Variants in BRD8 observed in about 807,000 individuals in gnomAD.
BRD8 encodes bromodomain-containing protein 8.
A neutral mutation model predicts 143.1 loss-of-function variants in BRD8; 67 were observed. That is an observed-to-expected ratio of 0.47 (90% CI 0.38 to 0.57). The LOEUF is 0.57. BRD8 is among the 20% of genes least tolerant of loss of function. BRD8 has a pLI of 0.00. For missense variants in BRD8, 1,103 were observed against 1,503.0 expected (o/e 0.73, Z 4.40); for synonymous variants, 505 against 517.1 (o/e 0.98, Z 0.32).
rs199966417 is a variant in BRD8, at chr5:138,145,291, C to T, written c.3369-46G>A. 4.4e-6 allele frequency: 7 copies of T among 1,575,506 alleles called. No individual in the cohort carries two copies. In the East Asian group the frequency reaches 6.7e-5, roughly 15 times the overall value. On this transcript the variant is annotated intron_variant, in intron 24 of 26. Transcript: ENST00000254900. ...AGAGGATAAAGAAACCCTGGCAAGG[C>T]ACTCTGAAGGAGAAGAGTAGCTCAG...
At chr5:138,155,796 G>C (rs1280147255) in intron 20 of BRD8, among the ~76,000 whole-genome samples, 1 of 152,014 alleles carries the variant, frequency 6.6e-6, no homozygotes, top group African/African-American at 2.4e-5. Context: ...CAAAGTGCTG[G>C]GATTACAAGT....
At position 138,144,018 on chromosome 5, in the gene BRD8, C is replaced by T. The variant is rs562443666; in HGVS notation, c.3437+1159G>A. On this transcript the variant is annotated intron_variant, in intron 25 of 26. Transcript: ENST00000254900. ...CTTGCTGCTCCTCACTCTTTGGGTC[C>T]GCACTACCTTTATGAACTGTAACAC... 5.3e-5 allele frequency among the ~76,000 whole-genome samples: 8 copies of T among 152,324 alleles called. No homozygotes were observed. The East Asian group carries it at 7.7e-4, about 15-fold the overall frequency.
In BRD8 at chr5:138,150,740, C is replaced by CT; in HGVS notation, c.3120+4dup. ...CAAGACAGCTGATTTAAGTTACTTT[C>CT]TTACCTCTTCACTCTCTGTGAGTAG... On this transcript the variant is annotated splice_donor_region_variant and intron_variant, in intron 22 of 26. Transcript: ENST00000254900. The CT allele has an allele frequency of 6.2e-7, 1 of 1,601,204 alleles. No individual in the cohort carries two copies. Among genetic ancestry groups the CT allele is most frequent in the South Asian group, 1.1e-5 (1 of 88,614 alleles).
At position 138,163,528 on chromosome 5, in the gene BRD8, C is replaced by G. The variant is rs932369076; in HGVS notation, c.1873-184G>C. 16 of 1,456,064 alleles carry G rather than the reference C, an allele frequency of 1.1e-5. No individual in the cohort carries two copies. In the Middle Eastern group the frequency reaches 8.8e-4, roughly 80 times the overall value. The allele number at this position is 1,456,064 out of a possible 1,614,324, so 90.2% of individuals were successfully genotyped here. On this transcript the variant is annotated intron_variant, in intron 14 of 26. Coordinates refer to ENST00000254900, the MANE Select transcript of BRD8 (RefSeq NM_139199.2). The stretch of plus-strand genomic sequence containing the variant: ...GACACTGCGTTAAGTAATTTAGAAC[C>G]TGGACAAAGAATAATACCCAGGATC...
intron 2 of BRD8, among the ~76,000 whole-genome samples, chr5:138,173,542 T>TAC (rs147012738): frequency 0.011 from 1,664 of 150,936 alleles, 19 homozygotes; most frequent in African/African-American, 0.033. Context: ...GTGATGTGTA[T>TAC]ACACACACAC....
intron 2 of BRD8, among the ~76,000 whole-genome samples, chr5:138,173,921 C>G (rs1561621698): frequency 1.3e-5 from 2 of 152,156 alleles, no homozygotes; most frequent in South Asian, 4.1e-4. Context: ...CAAGCAACCT[C>G]CTGCCTTGGC....
At position 138,165,020 on chromosome 5, in the gene BRD8, T is replaced by A; in HGVS notation, c.1425A>T (p.Ala475=). The A allele has an allele frequency of 6.2e-7, 1 of 1,614,184 alleles. No homozygotes were observed. The highest frequency in any genetic ancestry group is 8.5e-7 in the Non-Finnish European group (1 of 1,180,030). ...TCTCTTGCTTGACCGTCATTTCTGG[T>A]GCAGGGAGAGGTACTGGCTTGTCCC... ...QERDKPVPLP[A]PEMTVKQERL... The change falls in exon 12 of 27, where the codon GCA becomes GCT. Residue 475 remains alanine (A), a synonymous_variant. Transcript: ENST00000254900.
chr5:138,149,146 G>A (rs1752280365), intron 23 of BRD8, among the ~76,000 whole-genome samples: 1 of 151,002 alleles, frequency 6.6e-6, no homozygotes, highest in African/African-American at 2.4e-5. Context: ...AGGCTGGAGT[G>A]ATACAGACTT....
chr5:138,152,022 T>C (rs1398250486), intron 21 of BRD8, among the ~76,000 whole-genome samples: 1 of 151,716 alleles, frequency 6.6e-6, no homozygotes, highest in Non-Finnish European at 1.5e-5. Flanking sequence ...GCCCGGCTAA[T>C]TTTTTGTATT....
At chr5:138,156,942 A>G in intron 20 of BRD8, 1 of 1,240,590 alleles carries the variant, frequency 8.1e-7, no homozygotes, top group Non-Finnish European at 1.0e-6. Flanking sequence ...TGTTTTTTTT[A>G]AAAAGTCTGT....
chr5:138,171,017 G>C, intron 5 of BRD8, 21 bp downstream of exon 5: 3 of 1,610,326 alleles, frequency 1.9e-6, no homozygotes, highest in Non-Finnish European at 2.5e-6. Flanking sequence ...TCAATTTTTT[G>C]GCATTCTCTC....
chr5:138,146,241 A>G (rs1752144853), intron 23 of BRD8, among the ~76,000 whole-genome samples: 1 of 151,602 alleles, frequency 6.6e-6, no homozygotes, highest in African/African-American at 2.4e-5. Context: ...TATTTTCCAT[A>G]GAGACGGGGT....
chr5:138,177,691 A>AG (rs2151227767), intron 1 of BRD8, 24 bp from the exon 2 acceptor site: 2 of 1,484,394 alleles, frequency 1.3e-6, no homozygotes, highest in African/African-American at 1.4e-5. Flanking sequence ...AAAAAAAAAA[A>AG]AGCCTTGGAA....
intron 23 of BRD8, 52 bp downstream of exon 23, chr5:138,149,588 G>A: frequency 1.4e-6 from 2 of 1,429,596 alleles, no homozygotes; most frequent in Non-Finnish European, 1.9e-6. Context: ...ATTCAAATAG[G>A]CATAAACAGA....
At position 138,166,120 on chromosome 5, in the gene BRD8, A is replaced by T; in HGVS notation, c.998-12T>A. 6.2e-7 allele frequency: 1 copy of T among 1,602,746 alleles called. No homozygotes were observed. Among genetic ancestry groups the T allele is most frequent in the Non-Finnish European group, 8.5e-7 (1 of 1,174,794 alleles). ...GTCGGGTTGACTCACTGAGTAACAG[A>T]AAGAGAAAAGCATCTCAGAAGCTTA... is the stretch of plus-strand genomic sequence containing the variant. On this transcript the variant is annotated splice_polypyrimidine_tract_variant and intron_variant, in intron 10 of 26. Transcript: ENST00000254900.
At chr5:138,148,646 G>T (rs185811410) in intron 23 of BRD8, among the ~76,000 whole-genome samples, 96 of 152,152 alleles carry the variant, frequency 6.3e-4, no homozygotes, top group African/African-American at 2.2e-3. Flanking sequence ...TGAGATTACA[G>T]GTGTGAGCCA....
chr5:138,169,351 T>C lies in BRD8; in HGVS notation c.513A>G (p.Gln171=). 6.2e-7 allele frequency: 1 copy of C among 1,613,696 alleles called. No individual in the cohort carries two copies. The highest frequency in any genetic ancestry group is 8.5e-7 in the Non-Finnish European group (1 of 1,179,848). Residue 171 remains glutamine (Q), a synonymous_variant, in exon 8 of 27, where the codon CAA becomes CAG. Transcript: ENST00000254900. ...ACCTCCGGGGGGGTGTTTTTACTGCTTGACGAGCTAGAACATAAAAGAGAA... is the reference window on the plus strand; with the variant it reads ...ACCTCCGGGGGGGTGTTTTTACTGCCTGACGAGCTAGAACATAAAAGAGAA... ...KATDAAYQAR[Q]AVKTPPRRLP... is the part of the protein sequence containing the mutation.
rs759418635 is a variant in BRD8, at chr5:138,166,638, G to C, written c.877C>G (p.Pro293Ala). 1.2e-6 allele frequency: 2 copies of C among 1,613,778 alleles called. No homozygotes were observed. The highest frequency in any genetic ancestry group is 1.7e-6 in the Non-Finnish European group (2 of 1,179,688). The change falls in exon 10 of 27, where the codon CCA becomes GCA. Residue 293 changes from proline (P) to alanine (A), a missense_variant. By Grantham distance (27) the Pro-to-Ala change is conservative (BLOSUM62 -1). This residue lies in a region of BRD8 where 334 missense variants were observed against 372.5 expected (regional missense o/e 0.90). Coordinates refer to ENST00000254900, the MANE Select transcript of BRD8 (RefSeq NM_139199.2). ...ASFTTVASEP[P>A]VKLVPPPVES... ...ACAGGGGGTGGCACAAGTTTAACTG[G>C]AGGCTCACTGGCAACAGTAGTGAAG...
intron 15 of BRD8, 116 bp from the exon 16 acceptor site, chr5:138,162,262 T>C (rs1753053069): frequency 1.3e-6 from 1 of 766,364 alleles, no homozygotes; most frequent in African/African-American, 1.8e-5. Flanking sequence ...TGCAGTGGCA[T>C]GATCATGTTC....
Sources: gnomAD v4.1 joint callset for allele counts (sites outside exome capture counted in the v4.1 genomes callset) on GRCh38, gnomAD v4.1.1 for gene constraint, gnomAD v4.1.1 regional missense constraint, MANE v1.5 for transcripts, NCBI Gene and HGNC (gene_info 2026-07-23, HGNC 2026-07-21) for gene names.